Variants in PRX observed in about 807,000 individuals in gnomAD.
PRX encodes the protein periaxin.
PRX carries 24 observed loss-of-function variants against 29.6 expected under a neutral mutation model. That is an observed-to-expected ratio of 0.81 (90% CI 0.59 to 1.14). The LOEUF (loss-of-function observed/expected upper bound fraction) is 1.14, where lower values mean the gene tolerates loss of function less well. Among genes scored for constraint, PRX ranks in the 50% most tolerant of loss-of-function variants. PRX has a pLI of 0.00. For missense variants in PRX, 1,838 were observed against 1,926.4 expected (o/e 0.95, Z 0.86); for synonymous variants, 772 against 831.7 (o/e 0.93, Z 1.24).
In PRX at chr19:40,394,958, C is replaced by T. The variant is rs268674; in HGVS notation, c.3394G>A (p.Gly1132Arg). The stretch of plus-strand genomic sequence containing the variant: ...TCATGGCCCTCAGTGACCACCTGCC[C>T]GGCTGTGGACACCTTCAGGCCTGAC... Reference protein sequence around the residue: ...QLSGLKVSTAGQVVTEGHDAG... With the variant: ...QLSGLKVSTARQVVTEGHDAG... The change falls in exon 7 of 7, where the codon GGG becomes AGG. Residue 1132 changes from glycine (G) to arginine (R), a missense_variant. Transcript: ENST00000324001. The surrounding 1 kb of genome is among the most constrained non-coding windows in gnomAD (Gnocchi z 5.8). 1,517,859 of 1,608,036 alleles carry T rather than the reference C, an allele frequency of 0.94. 716,680 individuals are homozygous for T. Among genetic ancestry groups the T allele is most frequent in the African/African-American group, 0.99 (74,275 of 75,010 alleles).
Position 40,394,430 on chromosome 19 carries a change from G to C in PRX, c.3922C>G (p.Leu1308Val), listed in dbSNP as rs1187376007. ...GCCCGCACCAGGCCAAACCGGGGCA[G>C]CCGTACCTTGAGCTTGTGTCCGGCC... is the stretch of plus-strand genomic sequence containing the variant. Reference protein sequence around the residue: ...GEAGHKLKVRLPRFGLVRAKE... With the variant: ...GEAGHKLKVRVPRFGLVRAKE... The change falls in exon 7 of 7, where the codon CTG becomes GTG. Residue 1308 changes from leucine to valine, a missense_variant. Around this residue, in one of 3 missense-constraint regions of PRX, gnomAD observed 1,143 missense variants for 1,193.0 expected, o/e 0.96. Transcript: ENST00000324001. This position sits in a 1 kb window ranked among gnomAD's most constrained non-coding sequence, Gnocchi z 5.8. The C allele has an allele frequency of 6.2e-7, 1 of 1,602,276 alleles. No individual in the cohort carries two copies. The highest frequency in any genetic ancestry group is 1.3e-5 in the African/African-American group (1 of 74,528).
chr19:40,399,084 T>C (rs2079470186), intron 5 of PRX, among the ~76,000 whole-genome samples: 1 of 152,088 alleles, frequency 6.6e-6, no homozygotes, highest in South Asian at 2.1e-4. Context: ...GATACTGACT[T>C]TGCTTCTTTT....
chr19:40,395,783 C>G lies in PRX; in HGVS notation c.2569G>C (p.Val857Leu), dbSNP rs1368192374. Residue 857 changes from valine (V) to leucine (L), a missense_variant, in exon 7 of 7, where the codon GTG becomes CTG. By Grantham distance (32) the Val-to-Leu change is conservative (BLOSUM62 1). Coordinates refer to ENST00000324001, the MANE Select transcript of PRX (RefSeq NM_181882.3). ...AGTGCTCCTGGCAGGTCTAGCTCCA[C>G]TGAAGGCAGAGTGAGAGAGGGGACA... ...VGVPSLTLPSVELDLPGALGL... is the reference protein window; with the variant it reads ...VGVPSLTLPSLELDLPGALGL... 1.2e-6 allele frequency: 2 copies of G among 1,614,074 alleles called. No homozygotes were observed. The highest frequency in any genetic ancestry group is 2.7e-5 in the African/African-American group (2 of 74,944).
At chr19:40,411,911 G>T (rs1490546372) in intron 1 of PRX, among the ~76,000 whole-genome samples, 1 of 152,192 alleles carries the variant, frequency 6.6e-6, no homozygotes, top group Non-Finnish European at 1.5e-5. Context: ...AATCCCCAGG[G>T]TCCCCATTTC....
At chr19:40,401,838 G>A (rs2079496620) in intron 5 of PRX, among the ~76,000 whole-genome samples, 1 of 150,856 alleles carries the variant, frequency 6.6e-6, no homozygotes, top group South Asian at 2.1e-4. Flanking sequence ...CGCGAACTCG[G>A]CTTACTGCAA....
Position 40,395,511 on chromosome 19 carries a change from C to G in PRX, c.2841G>C (p.Glu947Asp). Residue 947 changes from glutamate to aspartate, a missense_variant, in exon 7 of 7, where the codon GAG becomes GAC. By Grantham distance (45) the Glu-to-Asp change is conservative. Transcript: ENST00000324001. Reference protein sequence around the residue: ...GLSGPKVAKAEAEGAGRATKL... With the variant: ...GLSGPKVAKADAEGAGRATKL... Reference sequence around the variant, plus strand: ...TGGTAGCTCGCCCAGCCCCCTCAGCCTCTGCCTTAGCCACCTTTGGCCCCG... The same window carrying G: ...TGGTAGCTCGCCCAGCCCCCTCAGCGTCTGCCTTAGCCACCTTTGGCCCCG... 6.2e-7 allele frequency: 1 copy of G among 1,614,212 alleles called. No homozygotes were observed. Among genetic ancestry groups the G allele is most frequent in the Admixed American group, 1.7e-5 (1 of 60,026 alleles).
At chr19:40,400,592 CAAAAAAAAAAAAAAA>C (rs71171569) in intron 5 of PRX, among the ~76,000 whole-genome samples, 3 of 44,832 alleles carry the variant, frequency 6.7e-5, no homozygotes, top group African/African-American at 2.0e-4. Context: ...AATTCCATCT[CAAAAAAAAAAAAAAA>C]AAAAAAAAAA....
intron 5 of PRX, among the ~76,000 whole-genome samples, chr19:40,400,616 A>AAAAAAAAAAAAAAAAAAAAC (rs2079488093): frequency 6.9e-6 from 1 of 144,154 alleles, no homozygotes; most frequent in Non-Finnish European, 1.5e-5. Context: ...AAAAAAAAAA[A>AAAAAAAAAAAAAAAAAAAAC]AAGACAAGAT....
At position 40,396,955 on chromosome 19, in the gene PRX, G is replaced by A. The variant is rs144530674; in HGVS notation, c.1397C>T (p.Pro466Leu). Residue 466 changes from proline (P) to leucine (L), a missense_variant, in exon 7 of 7, where the codon CCA becomes CTA. Transcript: ENST00000324001. ...TGACACCTTGGGGAGCTCCACCTCTGGGAGTCGAACCTCTGGAAGGGCTGC... is the reference window on the plus strand; with the variant it reads ...TGACACCTTGGGGAGCTCCACCTCTAGGAGTCGAACCTCTGGAAGGGCTGC... ...PEAALPEVRL[P>L]EVELPKVSEM... The A allele has an allele frequency of 5.6e-5, 90 of 1,614,208 alleles. No homozygotes were observed. In the African/African-American group the frequency reaches 1.1e-3, roughly 20 times the overall value.
At chr19:40,399,850 CCTTTCTTTCTTTCTTTCTTT>C (rs59315819) in intron 5 of PRX, among the ~76,000 whole-genome samples, 7 of 119,740 alleles carry the variant, frequency 5.8e-5, no homozygotes, top group Admixed American at 2.6e-4. Context: ...AGCTTTCTTT[CCTTTCTTTCTTTCTTTCTTT>C]CTTTCTTTCT....
intron 4 of PRX, among the ~76,000 whole-genome samples, chr19:40,407,273 T>G (rs1379677147): frequency 6.7e-6 from 1 of 149,186 alleles, no homozygotes; most frequent in Admixed American, 6.7e-5. Context: ...GTCTTTTTTT[T>G]TTTTTCTTTG....
At chr19:40,405,732 C>T (rs1311454570) in intron 4 of PRX, among the ~76,000 whole-genome samples, 3 of 146,486 alleles carry the variant, frequency 2.0e-5, no homozygotes. Context: ...CTCCACCTCC[C>T]GGGTCAAGCG....
At chr19:40,401,537 C>A (rs1353423359) in intron 5 of PRX, among the ~76,000 whole-genome samples, 1 of 152,182 alleles carries the variant, frequency 6.6e-6, no homozygotes, top group African/African-American at 2.4e-5. Context: ...AGAATAAAAG[C>A]CAAAGTCTTA....
chr19:40,397,675 C>T lies in PRX; in HGVS notation c.677G>A (p.Gly226Glu), dbSNP rs1445853537. ...CACCTGAGGGGCTGTGAAACGAGCT[C>T]CTGCAGCCACCTCAGCCTCCACCTT... ...KAKVEAEVAA[G>E]ARFTAPQVEL... The change falls in exon 7 of 7, where the codon GGA becomes GAA. Residue 226 changes from glycine (G) to glutamate (E), a missense_variant. Coordinates refer to ENST00000324001, the MANE Select transcript of PRX (RefSeq NM_181882.3). The T allele has an allele frequency of 5.8e-6, 9 of 1,555,854 alleles. No homozygotes were observed. The highest frequency in any genetic ancestry group is 7.8e-6 in the Non-Finnish European group (9 of 1,156,456).
rs190343847 is a variant in PRX at position 40,411,249 on chromosome 19, G to A, written c.-243+2089C>T. Among the ~76,000 whole-genome samples, 43 of 152,264 alleles carry A rather than the reference G, an allele frequency of 2.8e-4. 1 individual carries two copies. Among genetic ancestry groups the A allele is most frequent in the Non-Finnish European group, 4.3e-4 (29 of 68,012 alleles). ...CCAACGGTGCTAGAAACACACCCAGGCCAGGTGCCGGGCCTGGACCGGGCA... is the reference window on the plus strand; with the variant it reads ...CCAACGGTGCTAGAAACACACCCAGACCAGGTGCCGGGCCTGGACCGGGCA... On this transcript the variant is annotated intron_variant, in intron 1 of 6. Transcript: ENST00000324001.
chr19:40,406,596 C>A (rs2079531684), intron 4 of PRX, among the ~76,000 whole-genome samples: 1 of 152,008 alleles, frequency 6.6e-6, no homozygotes, highest in South Asian at 2.1e-4. Context: ...GCAGCTTGGC[C>A]CCTGTAACAG....
Position 40,398,851 on chromosome 19 carries a change from A to C in PRX, c.185-35T>G. 6.2e-7 allele frequency: 1 copy of C among 1,613,556 alleles called. No homozygotes were observed. The highest frequency in any genetic ancestry group is 8.5e-7 in the Non-Finnish European group (1 of 1,179,886). ...AGGTGGAGGTGCGCAGCACGTGGGC[A>C]TCTCCCGGCTCCGCCCGGGCCTAGT... On this transcript the variant is annotated intron_variant, in intron 5 of 6. Transcript: ENST00000324001. This position sits in a 1 kb window ranked among gnomAD's most constrained non-coding sequence, Gnocchi z 6.3.
rs781159482 is a variant in PRX, at chr19:40,394,389, C to T, written c.3963G>A (p.Glu1321=). Residue 1321 remains glutamate (E), a synonymous_variant, in exon 7 of 7, where the codon GAG becomes GAA. Transcript: ENST00000324001. This position sits in a 1 kb window ranked among gnomAD's most constrained non-coding sequence, Gnocchi z 5.8. ...TGGGGCTCTTGGCCTTCTCACCCTC[C>T]TCGGCCCCCTCCTTGGCCCGCACCA... is the stretch of plus-strand genomic sequence containing the variant. The part of the protein sequence containing the change: ...FGLVRAKEGA[E]EGEKAKSPKL... 6.2e-6 allele frequency: 10 copies of T among 1,600,320 alleles called. No homozygotes were observed. The highest frequency in any genetic ancestry group is 1.7e-5 in the Admixed American group (1 of 58,156).
In PRX at chr19:40,406,107, C is replaced by T. The variant is rs1046070685; in HGVS notation, c.27+1799G>A. ...ACTAAAAGTCCTAAAATTAGCCAGGCGTGGTGGTGGGCGCCTGTAATCCCA... is the reference window on the plus strand; with the variant it reads ...ACTAAAAGTCCTAAAATTAGCCAGGTGTGGTGGTGGGCGCCTGTAATCCCA... On this transcript the variant is annotated intron_variant, in intron 4 of 6. Coordinates refer to ENST00000324001, the MANE Select transcript of PRX (RefSeq NM_181882.3). Among the ~76,000 whole-genome samples, 7 of 151,330 alleles carry T rather than the reference C, an allele frequency of 4.6e-5. No individual in the cohort carries two copies. The East Asian group carries it at 8.0e-4, about 17-fold the overall frequency.
Sources: gnomAD v4.1 joint callset for allele counts (sites outside exome capture counted in the v4.1 genomes callset) on GRCh38, gnomAD v4.1.1 for gene constraint, gnomAD v4.1.1 regional missense constraint, Gnocchi (gnomAD v3.1) non-coding constraint, MANE v1.5 for transcripts, NCBI Gene and HGNC (gene_info 2026-07-23, HGNC 2026-07-21) for gene names.